AFF2: variants seen among roughly 807,000 people sequenced by gnomAD.
AFF2 encodes AF4/FMR2 family member 2.
AFF2 carries 14 observed loss-of-function variants against 76.9 expected under a neutral mutation model. The ratio of observed to expected loss-of-function variants is 0.18; its 90% CI spans 0.12 to 0.28. The LOEUF is 0.28. AFF2 is among the 10% of genes least tolerant of loss of function. The probability of loss-of-function intolerance (pLI) is 1.00; values close to 1 mark genes in which losing one functional copy is unlikely to be tolerated. For synonymous variants in AFF2, 398 were observed against 366.7 expected, an observed-to-expected ratio of 1.09 and a Z score of -0.98; for missense variants, 868 against 1,001.1, an observed-to-expected ratio of 0.87 and a Z score of 1.79.
At chrX:148,580,948 A>T (rs1345917026) in intron 1 of AFF2, among the ~76,000 whole-genome samples, 3 of 99,081 alleles carry the variant, frequency 3.0e-5, no homozygotes, top group Non-Finnish European at 6.1e-5. Flanking sequence ...TCCTATGTTG[A>T]CATTTGTACC....
At chrX:148,568,924 A>G (rs2053199114) in intron 1 of AFF2, among the ~76,000 whole-genome samples, 1 of 111,584 alleles carries the variant, frequency 9.0e-6, no homozygotes, top group Admixed American at 9.5e-5. Context: ...ATAGGTTATA[A>G]TCATTAAAGA....
chrX:148,995,436 C>T lies in AFF2; in HGVS notation c.*4104C>T, dbSNP rs1255489372. 1 of 87,087 alleles carries T rather than the reference C, an allele frequency of 1.1e-5. No individual in the cohort carries two copies. Among genetic ancestry groups the T allele is most frequent in the African/African-American group, 4.6e-5 (1 of 21,585 alleles). 7.2% of individuals were successfully genotyped at this position (87,087 alleles called of 1,213,427 possible). A position where few individuals can be genotyped will look rare whatever the true frequency, so the allele number is the denominator to read the frequency against. On this transcript the variant is annotated 3_prime_UTR_variant, in exon 21 of 21. Transcript: ENST00000370460. ...CATCACATTTTACTCTGTAATCTAC[C>T]AGCTAAAAGAAAATTGCATTGTGGG...
At chrX:148,536,985 G>C (rs782348258) in intron 1 of AFF2, among the ~76,000 whole-genome samples, 2 of 111,991 alleles carry the variant, frequency 1.8e-5, no homozygotes, top group South Asian at 7.4e-4. Context: ...ACAATTTATT[G>C]GTAAAGTCTT....
Position 148,993,537 on chromosome X carries a change from A to T in AFF2, c.*2205A>T, listed in dbSNP as rs1557292560. 2 of 112,150 alleles carry T rather than the reference A, an allele frequency of 1.8e-5. No homozygotes were observed. Among genetic ancestry groups the T allele is most frequent in the African/African-American group, 6.5e-5 (2 of 30,830 alleles). The allele number at this position is 112,150 out of a possible 1,213,427, so 9.2% of individuals were successfully genotyped here. ...TAGACCATCATGGATTTAGGAGTAG[A>T]TTCTTCTTGAAATCCCACATCCAGA... On this transcript the variant is annotated 3_prime_UTR_variant, in exon 21 of 21. Transcript: ENST00000370460.
At chrX:148,634,861 C>T (rs891339764) in intron 1 of AFF2, among the ~76,000 whole-genome samples, 2 of 111,644 alleles carry the variant, frequency 1.8e-5, no homozygotes, top group Non-Finnish European at 3.8e-5. Context: ...TCTTCCCTTC[C>T]TCACCCAGTG....
intron 1 of AFF2, among the ~76,000 whole-genome samples, chrX:148,605,910 T>C (rs2053667501): frequency 8.9e-6 from 1 of 111,979 alleles, no homozygotes; most frequent in African/African-American, 3.2e-5. Context: ...AATATCAAAA[T>C]CTATGGATGA....
chrX:148,794,455 G>A (rs955535190), intron 3 of AFF2, among the ~76,000 whole-genome samples: 2 of 111,836 alleles, frequency 1.8e-5, no homozygotes, highest in Non-Finnish European at 3.8e-5. Context: ...GAGTCAAGGA[G>A]TACAGCATCA....
intron 1 of AFF2, among the ~76,000 whole-genome samples, chrX:148,629,540 A>G (rs1557252723): frequency 1.8e-5 from 2 of 111,864 alleles, no homozygotes; most frequent in African/African-American, 6.5e-5. Flanking sequence ...GAGTTTGATG[A>G]GTGAGACACA....
At chrX:148,703,628 G>A (rs1442694389) in intron 3 of AFF2, among the ~76,000 whole-genome samples, 3 of 111,647 alleles carry the variant, frequency 2.7e-5, no homozygotes, top group South Asian at 3.7e-4. Flanking sequence ...AACAGACAGC[G>A]TATCAATGGT....
At chrX:148,766,627 T>G (rs1557267786) in intron 3 of AFF2, among the ~76,000 whole-genome samples, 2 of 108,250 alleles carry the variant, frequency 1.8e-5, no homozygotes, top group East Asian at 2.9e-4. Flanking sequence ...ATGAGTAGGT[T>G]GCAAAAATTT....
intron 1 of AFF2, among the ~76,000 whole-genome samples, chrX:148,639,007 C>T (rs782666535): frequency 8.8e-4 from 99 of 111,914 alleles, no homozygotes; most frequent in African/African-American, 3.1e-3. Flanking sequence ...ATTAACTGCA[C>T]CTGGACTCAG....
rs549714261 is a variant in AFF2, at chrX:148,763,757, C to T, written c.1042-46119C>T. Among the ~76,000 whole-genome samples the T allele has an allele frequency of 2.3e-3, 261 of 111,717 alleles. 13 individuals carry two copies. In the South Asian group the frequency reaches 0.092, roughly 39 times the overall value. On this transcript the variant is annotated intron_variant, in intron 3 of 20. Coordinates refer to ENST00000370460, the MANE Select transcript of AFF2 (RefSeq NM_002025.4). ...AATTGAGGATGAATGCAAGGATGCT[C>T]CAGTTCTGGACCTCCAGAAGGACAG...
At chrX:148,624,788 A>G (rs1297904164) in intron 1 of AFF2, among the ~76,000 whole-genome samples, 3 of 112,015 alleles carry the variant, frequency 2.7e-5, no homozygotes, top group Non-Finnish European at 3.8e-5. Flanking sequence ...TTTTCCCCCA[A>G]ATGGTAACAG....
intron 1 of AFF2, among the ~76,000 whole-genome samples, chrX:148,575,281 T>A (rs1292574305): frequency 9.0e-6 from 1 of 111,381 alleles, no homozygotes; most frequent in Non-Finnish European, 1.9e-5. Context: ...TCATTTTCAC[T>A]CTTTTCCATC....
intron 2 of AFF2, among the ~76,000 whole-genome samples, chrX:148,653,895 T>C (rs1298781643): frequency 9.0e-6 from 1 of 111,601 alleles, no homozygotes; most frequent in Non-Finnish European, 1.9e-5. Flanking sequence ...TTGAGTGCGT[T>C]GGCTTTGAGA....
rs191577408 is a variant in AFF2 at position 148,558,377 on chromosome X, G to C, written c.47+57233G>C. 9.2e-3 allele frequency among the ~76,000 whole-genome samples: 1,023 copies of C among 111,177 alleles called. 10 individuals are homozygous for C. Among genetic ancestry groups the C allele is most frequent in the Non-Finnish European group, 0.015 (807 of 53,006 alleles). On this transcript the variant is annotated intron_variant, in intron 1 of 20. Transcript: ENST00000370460. The stretch of plus-strand genomic sequence containing the variant: ...AGCTCTAAGAGTGAGATGCAGTTCT[G>C]TGGGCCCAAGTGTTTTCCCTTCTTA...
chrX:148,695,899 C>G (rs1420822149), intron 3 of AFF2, among the ~76,000 whole-genome samples: 1 of 111,995 alleles, frequency 8.9e-6, no homozygotes, highest in African/African-American at 3.2e-5. Flanking sequence ...AACTAGAGCA[C>G]TCAAATGTAA....
chrX:148,602,116 T>TA (rs1253119211), intron 1 of AFF2, among the ~76,000 whole-genome samples: 4 of 111,688 alleles, frequency 3.6e-5, no homozygotes, highest in African/African-American at 1.3e-4. Context: ...AGGTGCCATT[T>TA]AAAAAGAGAG....
At chrX:148,839,947 A>G (rs1405777790) in intron 5 of AFF2, among the ~76,000 whole-genome samples, 1 of 105,053 alleles carries the variant, frequency 9.5e-6, no homozygotes, top group African/African-American at 3.6e-5. Context: ...ATGTGTATAC[A>G]CTATATAATC....
Sources: gnomAD v4.1 joint callset for allele counts (sites outside exome capture counted in the v4.1 genomes callset) on GRCh38, gnomAD v4.1.1 for gene constraint, MANE v1.5 for transcripts, NCBI Gene and HGNC (gene_info 2026-07-23, HGNC 2026-07-21) for gene names.